The following TRMT11 variants were observed in gnomAD, a reference collection of about 807,000 sequenced individuals.
TRMT11 encodes tRNA methyltransferase 11, also known as tRNA (guanine(10)-N(2))-methyltransferase TRMT11.
TRMT11 carries 53 observed loss-of-function variants against 62.8 expected under a neutral mutation model. The ratio of observed to expected loss-of-function variants is 0.84; its 90% CI spans 0.68 to 1.06. TRMT11 has a LOEUF of 1.06. Ranked by LOEUF, TRMT11 falls within the 50% of genes least tolerant of loss-of-function variation. The probability of loss-of-function intolerance (pLI) is 0.00; values close to 1 mark genes in which losing one functional copy is unlikely to be tolerated. For missense variants in TRMT11, 556 were observed against 553.4 expected, an observed-to-expected ratio of 1.00 and a Z score of -0.05; for synonymous variants, 188 against 190.3, an observed-to-expected ratio of 0.99 and a Z score of 0.10.
chr6:125,986,597 A>G lies in TRMT11; in HGVS notation c.47A>G (p.Gln16Arg), dbSNP rs1242013475. 6.9e-6 allele frequency: 11 copies of G among 1,584,854 alleles called. No individual in the cohort carries two copies. The highest frequency in any genetic ancestry group is 2.3e-5 in the South Asian group (2 of 86,774). Residue 16 changes from glutamine to arginine, a missense_variant, in exon 1 of 13, where the codon CAG (glutamine) becomes CGG (arginine). Gln to Arg is a conservative substitution (Grantham distance 43). Coordinates refer to ENST00000334379, the MANE Select transcript of TRMT11 (RefSeq NM_001031712.3). Reference protein sequence around the residue: ...TLNRYLLLMAQEHLEFRLPEI... With the variant: ...TLNRYLLLMAREHLEFRLPEI... The stretch of plus-strand genomic sequence containing the variant: ...AACAGGTATCTGCTCCTCATGGCGC[A>G]GGAGCATCTGGAGTTCCGCCTGCCG...
chr6:126,227,937 A>G, the TRMT11 span, among the ~76,000 whole-genome samples: 2 of 152,240 alleles, frequency 1.3e-5, no homozygotes, highest in South Asian at 4.1e-4. Flanking sequence ...AAAGCCGTAA[A>G]ACATGAGAGC....
the TRMT11 span, among the ~76,000 whole-genome samples, chr6:126,221,402 G>A: frequency 4.2e-3 from 623 of 150,046 alleles, 8 homozygotes; most frequent in African/African-American, 0.014. Flanking sequence ...CCTTTTCTCT[G>A]CAACCTCACC....
intron 17 of TRMT11, among the ~76,000 whole-genome samples, chr6:126,078,846 G>A (rs759000962): frequency 5.9e-5 from 9 of 152,136 alleles, no homozygotes; most frequent in Admixed American, 2.0e-4. Context: ...TCATGGTAAC[G>A]AGTCATGTTT....
intron 1 of TRMT11, among the ~76,000 whole-genome samples, chr6:126,195,807 A>C (rs1450898854): frequency 6.6e-6 from 1 of 152,218 alleles, no homozygotes; most frequent in Non-Finnish European, 1.5e-5. Flanking sequence ...AAGGGAAGTC[A>C]GCTTCGTGGC....
intron 17 of TRMT11, among the ~76,000 whole-genome samples, chr6:126,096,310 C>G (rs1378941537): frequency 6.6e-6 from 1 of 152,090 alleles, no homozygotes; most frequent in Non-Finnish European, 1.5e-5. Context: ...TCAGGCTTCT[C>G]TGGGATCTGA....
intron 18 of TRMT11, among the ~76,000 whole-genome samples, chr6:126,113,283 T>A (rs1480821550): frequency 6.6e-6 from 1 of 152,086 alleles, no homozygotes; most frequent in African/African-American, 2.4e-5. Flanking sequence ...TCTTTTAATC[T>A]TGGAGTCTCT....
At chr6:126,148,233 G>A (rs1365340498) in intron 21 of TRMT11, among the ~76,000 whole-genome samples, 1 of 152,194 alleles carries the variant, frequency 6.6e-6, no homozygotes, top group Non-Finnish European at 1.5e-5. Context: ...TCTCTGACCA[G>A]AAGACCGTCT....
chr6:126,051,988 A>G (rs1428007072), intron 16 of TRMT11, among the ~76,000 whole-genome samples: 2 of 152,208 alleles, frequency 1.3e-5, no homozygotes, highest in Admixed American at 1.3e-4. Context: ...GTTTTCCCCC[A>G]GCATGATATA....
intron 21 of TRMT11, among the ~76,000 whole-genome samples, chr6:126,145,870 T>G (rs1037083465): frequency 1.3e-5 from 2 of 152,182 alleles, no homozygotes; most frequent in Non-Finnish European, 2.9e-5. Flanking sequence ...GCCCTCAACC[T>G]TTTACTTTCT....
intron 5 of TRMT11, 52 bp downstream of exon 5, chr6:125,998,367 A>G (rs745648100): frequency 9.0e-6 from 12 of 1,334,776 alleles, no homozygotes; most frequent in East Asian, 6.9e-5. Flanking sequence ...CAGTCTGGCC[A>G]TTGTTGATAT....
At chr6:126,132,664 C>T (rs957713202) in intron 21 of TRMT11, among the ~76,000 whole-genome samples, 1 of 151,934 alleles carries the variant, frequency 6.6e-6, no homozygotes, top group African/African-American at 2.4e-5. Context: ...AAACTGATTG[C>T]AGTAGTAGAT....
At chr6:126,042,162 G>A (rs988988791), downstream of TRMT11, among the ~76,000 whole-genome samples, 3 of 152,176 alleles carry the variant, frequency 2.0e-5, no homozygotes, top group Non-Finnish European at 4.4e-5. Context: ...TAATGGAATG[G>A]TAAACATACT....
At chr6:126,155,783 C>G (rs1210401349) in intron 21 of TRMT11, among the ~76,000 whole-genome samples, 1 of 152,184 alleles carries the variant, frequency 6.6e-6, no homozygotes, top group East Asian at 1.9e-4. Context: ...TGCAGTGGCG[C>G]AGTCTCAGCT....
At chr6:126,214,418 T>C in the TRMT11 span, among the ~76,000 whole-genome samples, 1 of 152,068 alleles carries the variant, frequency 6.6e-6, no homozygotes, top group African/African-American at 2.4e-5. Context: ...TTGTTGCTTG[T>C]TATTAATCTC....
At chr6:126,047,994 A>T (rs1776109238) in intron 16 of TRMT11, among the ~76,000 whole-genome samples, 1 of 152,204 alleles carries the variant, frequency 6.6e-6, no homozygotes, top group Admixed American at 6.5e-5. Context: ...AATGCAACAG[A>T]CCTACCCTCA....
intron 11 of TRMT11, among the ~76,000 whole-genome samples, chr6:126,015,724 C>T (rs1026018718): frequency 2.0e-5 from 3 of 152,168 alleles, no homozygotes; most frequent in Non-Finnish European, 4.4e-5. Flanking sequence ...ATGTAGGAAA[C>T]TGTGCTGTAA....
chr6:126,091,412 A>G (rs1432221942), intron 17 of TRMT11, among the ~76,000 whole-genome samples: 3 of 152,074 alleles, frequency 2.0e-5, no homozygotes, highest in Non-Finnish European at 4.4e-5. Context: ...GCTGTAGCCA[A>G]TCCAGCTGTT....
the TRMT11 span, chr6:126,258,237 C>G: frequency 1.6e-6 from 1 of 618,868 alleles, no homozygotes. Flanking sequence ...TCGTCTGTGC[C>G]GCCCGGGCCT....
chr6:126,136,112 A>G (rs1777846638), intron 21 of TRMT11, among the ~76,000 whole-genome samples: 1 of 151,814 alleles, frequency 6.6e-6, no homozygotes, highest in African/African-American at 2.4e-5. Context: ...TATGTATTCA[A>G]CAGAGTACTG....
Sources: allele counts gnomAD v4.1 joint callset (sites outside exome capture counted in the v4.1 genomes callset), GRCh38; gene constraint gnomAD v4.1.1; transcripts MANE v1.5; gene names NCBI Gene and HGNC (gene_info 2026-07-23, HGNC 2026-07-21).